Variants in CPAMD8 observed in about 807,000 individuals in gnomAD.
CPAMD8 encodes the protein C3 and PZP-like alpha-2-macroglobulin domain-containing protein 8.
Under a neutral mutation model 224.7 loss-of-function variants are expected in CPAMD8, and 146 were observed. That is an observed-to-expected ratio of 0.65 (90% CI 0.57 to 0.75). The LOEUF (loss-of-function observed/expected upper bound fraction) is 0.75. Among genes scored for constraint, CPAMD8 ranks in the 30% least tolerant of loss-of-function variants. The probability of loss-of-function intolerance (pLI) is 0.00; values close to 1 mark genes in which losing one functional copy is unlikely to be tolerated. For synonymous variants in CPAMD8, 966 were observed against 1,044.6 expected (o/e 0.92, Z 1.45); for missense variants, 2,301 against 2,537.5 (o/e 0.91, Z 2.00).
chr19:17,016,455 C>A (rs2056814174), intron 3 of CPAMD8, among the ~76,000 whole-genome samples: 1 of 152,142 alleles, frequency 6.6e-6, no homozygotes. Context: ...AAATGGCTTC[C>A]TGACTCATAA....
intron 13 of CPAMD8, among the ~76,000 whole-genome samples, chr19:16,987,485 A>G (rs1306197137): frequency 2.6e-5 from 4 of 151,772 alleles, no homozygotes; most frequent in African/African-American, 9.7e-5. Context: ...TCTCTTCTTT[A>G]TGATTTTTTT....
chr19:16,994,458 G>T (rs2056059584), intron 11 of CPAMD8, among the ~76,000 whole-genome samples: 1 of 150,778 alleles, frequency 6.6e-6, no homozygotes, highest in African/African-American at 2.4e-5. Context: ...AGCTGTGCAG[G>T]TATCTGGTGA....
At chr19:16,968,528 G>C (rs532918922) in intron 18 of CPAMD8, among the ~76,000 whole-genome samples, 1 of 152,288 alleles carries the variant, frequency 6.6e-6, no homozygotes, top group South Asian at 2.1e-4. Flanking sequence ...GAACCTATTT[G>C]GCAGTGAGCA....
intron 17 of CPAMD8, among the ~76,000 whole-genome samples, chr19:16,971,414 C>A (rs1458637932): frequency 2.6e-5 from 4 of 152,074 alleles, no homozygotes; most frequent in African/African-American, 9.7e-5. Context: ...AACGTGGGAC[C>A]CAGTGACCAT....
chr19:17,000,284 T>C, intron 10 of CPAMD8, 130 bp downstream of exon 10: 1 of 586,820 alleles, frequency 1.7e-6, no homozygotes, highest in South Asian at 2.2e-5. Context: ...TGAGATCCTG[T>C]CTCTATTCAA....
chr19:17,009,347 G>A (rs754053382), intron 5 of CPAMD8, 27 bp from the exon 6 acceptor site: 13 of 1,613,910 alleles, frequency 8.1e-6, no homozygotes, highest in Non-Finnish European at 1.1e-5. Context: ...GATGCAGTGA[G>A]CAAATCTTCC....
At chr19:16,949,729 C>T (rs956466596) in intron 20 of CPAMD8, among the ~76,000 whole-genome samples, 1 of 152,202 alleles carries the variant, frequency 6.6e-6, no homozygotes, top group Non-Finnish European at 1.5e-5. Context: ...GTCAAGCTGC[C>T]TCCTGCTTCT....
chr19:16,904,530 C>T lies in CPAMD8; in HGVS notation c.4050G>A (p.Leu1350=), dbSNP rs371188239. 1.7e-5 allele frequency: 28 copies of T among 1,613,794 alleles called. No homozygotes were observed. In the African/African-American group the frequency reaches 3.3e-4, roughly 19 times the overall value. Residue 1350 remains leucine, a synonymous_variant, in exon 31 of 42, where the codon CTG becomes CTA. Coordinates refer to ENST00000443236, the MANE Select transcript of CPAMD8 (RefSeq NM_015692.5). ...CCTTGTCCACGTCCCAGGAATTTGACAGGCTCCAGTGGGTGACCCCATCTG... is the reference window on the plus strand; with the variant it reads ...CCTTGTCCACGTCCCAGGAATTTGATAGGCTCCAGTGGGTGACCCCATCTG... ...IMRDGVTHWS[L]SNSWDVDKGT...
chr19:16,977,427 T>C lies in CPAMD8; in HGVS notation c.1699A>G (p.Asn567Asp). The change falls in exon 15 of 42, where the codon AAT becomes GAT. Residue 567 changes from asparagine to aspartate, a missense_variant. Physicochemically the swap from Asn to Asp is conservative, Grantham distance 23 (BLOSUM62 1). Transcript: ENST00000443236. Reference sequence around the variant, plus strand: ...AGGCTGTCGGCGACCCCTTCTCCATTCTCCCTGACGTAGAAGACCAGCAGG... The same window carrying C: ...AGGCTGTCGGCGACCCCTTCTCCATCCTCCCTGACGTAGAAGACCAGCAGG... ...GRLLVFYVRE[N>D]GEGVADSLQF... 6.2e-7 allele frequency: 1 copy of C among 1,612,474 alleles called. No homozygotes were observed. The highest frequency in any genetic ancestry group is 8.5e-7 in the Non-Finnish European group (1 of 1,178,986).
At chr19:17,009,222 G>A (rs2056580849) in intron 6 of CPAMD8, 81 bp downstream of exon 6, 1 of 1,611,590 alleles carries the variant, frequency 6.2e-7, no homozygotes. Flanking sequence ...GGCAGACAGT[G>A]AGCGAAGACA....
chr19:16,946,128 C>T (rs956133432), intron 21 of CPAMD8, among the ~76,000 whole-genome samples: 3 of 151,356 alleles, frequency 2.0e-5, no homozygotes, highest in East Asian at 1.9e-4. Context: ...TGTACAGGTT[C>T]GTGTGTGCAA....
chr19:17,002,396 G>T (rs1433840856), intron 8 of CPAMD8, 46 bp from the exon 9 acceptor site: 1 of 1,395,234 alleles, frequency 7.2e-7, no homozygotes, highest in South Asian at 1.2e-5. Flanking sequence ...TGTCCCTAAG[G>T]TGGCCTCAGG....
intron 14 of CPAMD8, among the ~76,000 whole-genome samples, chr19:16,978,933 ACCAT>A (rs1393977165): frequency 6.7e-6 from 1 of 149,210 alleles, no homozygotes; most frequent in Non-Finnish European, 1.5e-5. Flanking sequence ...CCACCCACCC[ACCAT>A]CCATCCATTT....
At chr19:16,950,284 C>T (rs756070599) in intron 20 of CPAMD8, among the ~76,000 whole-genome samples, 8 of 151,476 alleles carry the variant, frequency 5.3e-5, no homozygotes, top group South Asian at 2.1e-4. Flanking sequence ...GGTGACAGAG[C>T]GAGATCCTAT....
Position 16,893,274 on chromosome 19 carries a change from C to G in CPAMD8, c.5492G>C (p.Ser1831Thr). 6.4e-7 allele frequency: 1 copy of G among 1,563,544 alleles called. No homozygotes were observed. The highest frequency in any genetic ancestry group is 8.7e-7 in the Non-Finnish European group (1 of 1,153,684). The change falls in exon 42 of 42, where the codon AGC becomes ACC. Residue 1831 changes from serine to threonine, a missense_variant. This residue lies in a region of CPAMD8 where 1,709 missense variants were observed against 1,753.2 expected (regional missense o/e 0.97). Transcript: ENST00000443236. ...AGTCTGGCCCCATCTGTGGAACGGG[C>G]TGGCGCTCTGGGTGCTGCTTTCCAG... ...GNLESSTQSA[S>T]PFHRWGQTPA... is the part of the protein sequence containing the mutation.
intron 18 of CPAMD8, among the ~76,000 whole-genome samples, chr19:16,969,311 T>C (rs1292005472): frequency 6.6e-6 from 1 of 152,138 alleles, no homozygotes; most frequent in African/African-American, 2.4e-5. Context: ...TTGGGCAATG[T>C]CTGGAGATAT....
intron 20 of CPAMD8, among the ~76,000 whole-genome samples, chr19:16,950,809 A>AC (rs1961027924): frequency 6.6e-6 from 1 of 150,958 alleles, no homozygotes; most frequent in African/African-American, 2.4e-5. Context: ...AAAAAAAAAA[A>AC]AAAAAAGAGA....
intron 22 of CPAMD8, among the ~76,000 whole-genome samples, chr19:16,941,650 T>C (rs746258241): frequency 4.6e-5 from 7 of 152,088 alleles, no homozygotes; most frequent in Non-Finnish European, 1.0e-4. Context: ...CTCGTGATAA[T>C]GGGTGAGTTC....
intron 30 of CPAMD8, among the ~76,000 whole-genome samples, chr19:16,905,540 CAAAAAAAAAAA>C (rs5827346): frequency 2.5e-5 from 2 of 80,392 alleles, no homozygotes; most frequent in Non-Finnish European, 4.6e-5. Flanking sequence ...AACTCCGTTT[CAAAAAAAAAAA>C]AAAAAAAAGG....
Sources: allele counts gnomAD v4.1 joint callset (sites outside exome capture counted in the v4.1 genomes callset), GRCh38; gene constraint gnomAD v4.1.1; regional missense constraint gnomAD v4.1.1; transcripts MANE v1.5; gene names NCBI Gene and HGNC (gene_info 2026-07-23, HGNC 2026-07-21).